Variants in PRKG1 observed in about 807,000 individuals in gnomAD.
The protein encoded by PRKG1 is protein kinase cGMP-dependent 1, also known as cGMP-dependent protein kinase 1.
In PRKG1, 35 loss-of-function variants were observed where a neutral mutation model predicts 88.1. That is an observed-to-expected ratio of 0.40 (90% CI 0.30 to 0.53). PRKG1 has a LOEUF of 0.53. PRKG1 is among the 20% of genes least tolerant of loss of function. The pLI, the probability that PRKG1 is intolerant of heterozygous loss-of-function variation, is 0.59. For missense variants in PRKG1, 540 were observed against 839.8 expected (o/e 0.64, Z 4.41); for synonymous variants, 303 against 292.5 (o/e 1.04, Z -0.37).
chr10:51,268,401 C>T (rs973717507), intron 2 of PRKG1, among the ~76,000 whole-genome samples: 2 of 152,156 alleles, frequency 1.3e-5, no homozygotes, highest in Non-Finnish European at 2.9e-5. Context: ...ATCCCTACAG[C>T]TGCAACCATA....
At chr10:51,915,914 A>G (rs1010491811) in intron 5 of PRKG1, among the ~76,000 whole-genome samples, 7 of 152,168 alleles carry the variant, frequency 4.6e-5, no homozygotes, top group Non-Finnish European at 1.0e-4. Context: ...ACTACCTCAC[A>G]CCCACCATAT....
chr10:51,784,292 G>A (rs1301561553), intron 3 of PRKG1, among the ~76,000 whole-genome samples: 1 of 152,054 alleles, frequency 6.6e-6, no homozygotes, highest in Non-Finnish European at 1.5e-5. Flanking sequence ...GTGGAGATGA[G>A]TAGCCTTCCT....
At chr10:51,817,301 C>A (rs1296177302) in intron 4 of PRKG1, among the ~76,000 whole-genome samples, 1 of 150,566 alleles carries the variant, frequency 6.6e-6, no homozygotes, top group African/African-American at 2.5e-5. Context: ...CACCCATCAA[C>A]CCATCATCTA....
At chr10:52,186,153 G>T (rs1030960672) in intron 9 of PRKG1, among the ~76,000 whole-genome samples, 1 of 152,180 alleles carries the variant, frequency 6.6e-6, no homozygotes, top group East Asian at 1.9e-4. Context: ...ATTGGCTCAT[G>T]GTTCTGCAGG....
intron 3 of PRKG1, among the ~76,000 whole-genome samples, chr10:51,541,022 T>C (rs529266147): frequency 6.6e-6 from 1 of 152,188 alleles, no homozygotes; most frequent in East Asian, 1.9e-4. Context: ...CGGCCCAGTA[T>C]AGTAGTTTTT....
At chr10:52,288,647 T>G in intron 14 of PRKG1, 79 bp from the exon 15 acceptor site, 1 of 1,400,880 alleles carries the variant, frequency 7.1e-7, no homozygotes, top group Non-Finnish European at 9.6e-7. Flanking sequence ...TGATGTCATC[T>G]GTGGAGTTTA....
At chr10:51,032,979 C>A (rs1330019528) in intron 1 of PRKG1, among the ~76,000 whole-genome samples, 1 of 151,988 alleles carries the variant, frequency 6.6e-6, no homozygotes, top group Admixed American at 6.6e-5. Flanking sequence ...ATTCTCTATG[C>A]CGACGTATCT....
At chr10:52,094,732 T>A (rs774598109) in intron 7 of PRKG1, among the ~76,000 whole-genome samples, 2 of 152,130 alleles carry the variant, frequency 1.3e-5, no homozygotes, top group Non-Finnish European at 2.9e-5. Context: ...ACAGGGCTGG[T>A]GTGGGACAGG....
intron 2 of PRKG1, among the ~76,000 whole-genome samples, chr10:51,375,102 T>C (rs1056028929): frequency 6.6e-6 from 1 of 152,206 alleles, no homozygotes; most frequent in African/African-American, 2.4e-5. Flanking sequence ...TCAATGTACC[T>C]ATTCTACTTA....
At chr10:51,385,018 C>T (rs898750286) in intron 2 of PRKG1, among the ~76,000 whole-genome samples, 2 of 152,170 alleles carry the variant, frequency 1.3e-5, no homozygotes, top group Non-Finnish European at 2.9e-5. Context: ...GATTGTCTCT[C>T]GAACCTTGTT....
At chr10:51,801,919 A>G (rs1839184438) in intron 3 of PRKG1, among the ~76,000 whole-genome samples, 1 of 152,178 alleles carries the variant, frequency 6.6e-6, no homozygotes, top group African/African-American at 2.4e-5. Flanking sequence ...ACAAAAAGGA[A>G]AATCACTTCC....
chr10:51,766,064 G>C (rs1040131099), intron 3 of PRKG1, among the ~76,000 whole-genome samples: 1 of 151,890 alleles, frequency 6.6e-6, no homozygotes, highest in African/African-American at 2.4e-5. Flanking sequence ...GCAGTCTCTC[G>C]TTGCCCAAGA....
intron 3 of PRKG1, among the ~76,000 whole-genome samples, chr10:51,652,772 A>G (rs1190989608): frequency 1.3e-5 from 2 of 152,208 alleles, no homozygotes; most frequent in African/African-American, 2.4e-5. Context: ...ATTTTGAAAT[A>G]TGCATTACTA....
intron 7 of PRKG1, among the ~76,000 whole-genome samples, chr10:52,087,910 G>A (rs1451425645): frequency 6.6e-6 from 1 of 152,118 alleles, no homozygotes; most frequent in Non-Finnish European, 1.5e-5. Flanking sequence ...GTTTCAATAA[G>A]GAAACTGCAT....
At chr10:52,229,051 G>A (rs1398825073) in intron 9 of PRKG1, among the ~76,000 whole-genome samples, 1 of 152,126 alleles carries the variant, frequency 6.6e-6, no homozygotes, top group African/African-American at 2.4e-5. Context: ...AATATGCTTT[G>A]ATGGAGCCTA....
intron 10 of PRKG1, among the ~76,000 whole-genome samples, chr10:52,265,133 T>C (rs1171253719): frequency 1.3e-5 from 2 of 152,128 alleles, no homozygotes; most frequent in African/African-American, 4.8e-5. Flanking sequence ...TTGCCCTTTA[T>C]TTTCTGAAAA....
Position 51,957,320 on chromosome 10 carries a change from G to A in PRKG1, c.762+49750G>A, listed in dbSNP as rs138484448. ...TTTCTTTTCTCTTCTTTCTTTCTCA[G>A]GGTCTAACTCTATCAGACTGGAGTA... On this transcript the variant is annotated intron_variant, in intron 5 of 17. Transcript: ENST00000373980. 2.6e-3 allele frequency among the ~76,000 whole-genome samples: 375 copies of A among 146,938 alleles called. 3 individuals are homozygous for A. Among genetic ancestry groups the A allele is most frequent in the African/African-American group, 8.8e-3 (348 of 39,636 alleles).
chr10:51,658,132 C>A (rs1449537718), intron 3 of PRKG1, among the ~76,000 whole-genome samples: 2 of 152,100 alleles, frequency 1.3e-5, no homozygotes, highest in Non-Finnish European at 2.9e-5. Flanking sequence ...TTAACAGAAA[C>A]TATCCCATTG....
intron 3 of PRKG1, among the ~76,000 whole-genome samples, chr10:51,528,394 T>A (rs781134653): frequency 6.6e-5 from 10 of 151,776 alleles, no homozygotes; most frequent in Non-Finnish European, 1.3e-4. Context: ...TGCTGATGAC[T>A]GGGAAAAATC....
Sources: gnomAD v4.1 joint callset for allele counts (sites outside exome capture counted in the v4.1 genomes callset) on GRCh38, gnomAD v4.1.1 for gene constraint, MANE v1.5 for transcripts, NCBI Gene and HGNC (gene_info 2026-07-23, HGNC 2026-07-21) for gene names.